The following SNAP91 variants were observed in gnomAD, a reference collection of about 807,000 sequenced individuals.
SNAP91 encodes synaptosome associated protein 91, also known as clathrin coat assembly protein AP180.
In SNAP91, 27 loss-of-function variants were observed where a neutral mutation model predicts 100.3. The observed-to-expected ratio is 0.27, with a 90% CI of 0.20 to 0.37. The LOEUF is 0.37. SNAP91 is among the 10% of genes least tolerant of loss of function. The pLI is 1.00. For synonymous variants in SNAP91, 404 were observed against 398.6 expected (o/e 1.01, Z -0.16); for missense variants, 986 against 1,123.7 (o/e 0.88, Z 1.75).
chr6:83,604,044 T>C (rs900174990), intron 14 of SNAP91, among the ~76,000 whole-genome samples: 1 of 152,218 alleles, frequency 6.6e-6, no homozygotes, highest in Non-Finnish European at 1.5e-5. Flanking sequence ...TTTTATTTTT[T>C]CCTTTTATTT....
intron 26 of SNAP91, among the ~76,000 whole-genome samples, chr6:83,562,993 T>C (rs1228011684): frequency 6.6e-6 from 1 of 152,202 alleles, no homozygotes; most frequent in East Asian, 1.9e-4. Flanking sequence ...TGTGTCTCAC[T>C]TGACTGACAC....
intron 22 of SNAP91, 71 bp downstream of exon 22, chr6:83,591,140 T>C (rs1311276380): frequency 3.9e-6 from 4 of 1,022,136 alleles, no homozygotes; most frequent in Non-Finnish European, 6.0e-6. Flanking sequence ...ATTTATGTAA[T>C]TTTTATAATT....
chr6:83,556,397 A>AGAGAGAGAGGG (rs1562072085), intron 28 of SNAP91, among the ~76,000 whole-genome samples, 152 bp from the exon 29 acceptor site: 1 of 38,208 alleles, frequency 2.6e-5, no homozygotes, highest in African/African-American at 1.1e-4. Context: ...GAGAGAGAGA[A>AGAGAGAGAGGG]AAGCATTAGG....
intron 24 of SNAP91, among the ~76,000 whole-genome samples, chr6:83,579,164 C>T (rs143822504): frequency 1.3e-5 from 2 of 152,228 alleles, no homozygotes; most frequent in Non-Finnish European, 2.9e-5. Context: ...ATTGGAAACA[C>T]GATTGCTTCA....
chr6:83,688,504 C>CT (rs1386310059), intron 2 of SNAP91, among the ~76,000 whole-genome samples: 5,866 of 131,290 alleles, frequency 0.045, 237 homozygotes, highest in African/African-American at 0.085. Flanking sequence ...CCAAACATCA[C>CT]TTTTTTTTTT....
intron 2 of SNAP91, among the ~76,000 whole-genome samples, chr6:83,667,451 G>A (rs2098706907): frequency 6.6e-6 from 1 of 151,816 alleles, no homozygotes; most frequent in Non-Finnish European, 1.5e-5. Context: ...TATTGAGTAA[G>A]AAATTAAAAA....
intron 2 of SNAP91, among the ~76,000 whole-genome samples, chr6:83,676,007 A>C (rs2098880428): frequency 6.6e-6 from 1 of 151,794 alleles, no homozygotes; most frequent in African/African-American, 2.4e-5. Context: ...AGCTGCTGGG[A>C]GGCTGAGGTG....
At chr6:83,668,172 A>G (rs1218343055) in intron 2 of SNAP91, among the ~76,000 whole-genome samples, 1 of 152,174 alleles carries the variant, frequency 6.6e-6, no homozygotes, top group Admixed American at 6.5e-5. Flanking sequence ...TTAAAAAGTC[A>G]GGAAACAACA....
Position 83,580,524 on chromosome 6 carries a change from G to T in SNAP91, c.2225C>A (p.Pro742Gln). ...GCTGGCTGCCATTGCAGGACTGGGTGGTACCATTGAGACAGGTGCAGGCTG... is the reference window on the plus strand; with the variant it reads ...GCTGGCTGCCATTGCAGGACTGGGTTGTACCATTGAGACAGGTGCAGGCTG... ...AGQPAPVSMVPPSPAMAASKA... is the reference protein window; with the variant it reads ...AGQPAPVSMVQPSPAMAASKA... The change falls in exon 24 of 30, where the codon CCA (proline) becomes CAA (glutamine). Residue 742 changes from proline to glutamine, a missense_variant. This residue lies in a region of SNAP91 where 575 missense variants were observed against 579.9 expected (regional missense o/e 0.99). Transcript: ENST00000369694. 6.2e-7 allele frequency: 1 copy of T among 1,613,804 alleles called. No individual in the cohort carries two copies. The highest frequency in any genetic ancestry group is 1.1e-5 in the South Asian group (1 of 91,064).
intron 11 of SNAP91, among the ~76,000 whole-genome samples, chr6:83,613,826 C>T (rs1272880018): frequency 1.3e-5 from 2 of 152,182 alleles, no homozygotes; most frequent in Non-Finnish European, 2.9e-5. Context: ...ACATCATTTA[C>T]ATATAGACAA....
chr6:83,601,856 G>A (rs2095262519), intron 14 of SNAP91, among the ~76,000 whole-genome samples: 1 of 152,086 alleles, frequency 6.6e-6, no homozygotes. Flanking sequence ...CAAGCAAATG[G>A]GTCACAAAAC....
intron 2 of SNAP91, among the ~76,000 whole-genome samples, chr6:83,700,617 T>C (rs1426541507): frequency 6.6e-6 from 1 of 151,744 alleles, no homozygotes; most frequent in East Asian, 2.0e-4. Flanking sequence ...CAGATAGTTT[T>C]TTGTTTTGTT....
intron 3 of SNAP91, 69 bp from the exon 4 acceptor site, chr6:83,662,491 A>G (rs962696903): frequency 1.7e-6 from 1 of 589,190 alleles, no homozygotes; most frequent in Non-Finnish European, 2.7e-6. Flanking sequence ...CTGACACTAA[A>G]GCGATTTTTT....
intron 7 of SNAP91, among the ~76,000 whole-genome samples, chr6:83,646,674 T>G (rs538788239): frequency 2.6e-5 from 4 of 152,160 alleles, no homozygotes; most frequent in Non-Finnish European, 5.9e-5. Context: ...AATATTGTGT[T>G]GGCTATTCTG....
chr6:83,697,284 C>A, intron 2 of SNAP91, among the ~76,000 whole-genome samples: 1 of 149,008 alleles, frequency 6.7e-6, no homozygotes, highest in African/African-American at 2.5e-5. Flanking sequence ...TATTGAAAAA[C>A]AATGCTGCCC....
At chr6:83,661,923 T>C (rs2098550904) in intron 4 of SNAP91, among the ~76,000 whole-genome samples, 1 of 152,226 alleles carries the variant, frequency 6.6e-6, no homozygotes, top group African/African-American at 2.4e-5. Flanking sequence ...ATGTTCCATT[T>C]GCTTGATGTG....
chr6:83,610,506 TA>T (rs199717240), intron 12 of SNAP91, 143 bp downstream of exon 12: 1,135 of 236,538 alleles, frequency 4.8e-3, no homozygotes, highest in East Asian at 7.4e-3. Context: ...TTTTGAAAGA[TA>T]AAAAAAAAAG....
intron 3 of SNAP91, among the ~76,000 whole-genome samples, chr6:83,662,807 G>C (rs950709858): frequency 1.3e-5 from 2 of 151,680 alleles, no homozygotes; most frequent in Admixed American, 1.3e-4. Flanking sequence ...TAACATTTTT[G>C]CTTAAAAATA....
At chr6:83,640,391 T>C (rs1039133020) in intron 8 of SNAP91, among the ~76,000 whole-genome samples, 1 of 152,144 alleles carries the variant, frequency 6.6e-6, no homozygotes, top group Non-Finnish European at 1.5e-5. Flanking sequence ...TTCCAATCAG[T>C]TCCTAGTAAT....
Sources: allele counts gnomAD v4.1 joint callset (sites outside exome capture counted in the v4.1 genomes callset), GRCh38; gene constraint gnomAD v4.1.1; regional missense constraint gnomAD v4.1.1; transcripts MANE v1.5; gene names NCBI Gene and HGNC (gene_info 2026-07-23, HGNC 2026-07-21).